Variants in ATP9B observed in about 807,000 individuals in gnomAD.
The protein encoded by ATP9B is ATPase phospholipid transporting 9B.
ATP9B carries 110 observed loss-of-function variants against 146.1 expected under a neutral mutation model. The observed-to-expected ratio is 0.75, with a 90% CI of 0.65 to 0.88. The LOEUF (loss-of-function observed/expected upper bound fraction) is 0.88, where lower values mean the gene tolerates loss of function less well. Ranked by LOEUF, ATP9B falls within the 40% of genes least tolerant of loss-of-function variation. The pLI, the probability that ATP9B is intolerant of heterozygous loss-of-function variation, is 0.00. For synonymous variants in ATP9B, 604 were observed against 569.7 expected, an observed-to-expected ratio of 1.06 and a Z score of -0.86; for missense variants, 1,499 against 1,496.4, an observed-to-expected ratio of 1.00 and a Z score of -0.03.
chr18:79,131,925 A>T (rs2094383954), intron 5 of ATP9B, among the ~76,000 whole-genome samples: 1 of 152,220 alleles, frequency 6.6e-6, no homozygotes, highest in Non-Finnish European at 1.5e-5. Context: ...GTAGAGATAA[A>T]CTGCAGACTG....
chr18:79,160,308 G>T (rs2094858637), intron 7 of ATP9B, among the ~76,000 whole-genome samples: 1 of 152,138 alleles, frequency 6.6e-6, no homozygotes, highest in Admixed American at 6.5e-5. Flanking sequence ...CCAGAGTTCT[G>T]AAACAGTTGC....
chr18:79,221,440 G>T (rs1028022069), intron 11 of ATP9B, among the ~76,000 whole-genome samples: 2 of 152,234 alleles, frequency 1.3e-5, no homozygotes, highest in Admixed American at 6.5e-5. Context: ...AAAACTATCA[G>T]GCTGGGCACA....
At chr18:79,094,467 AGTT>A (rs933096828) in intron 1 of ATP9B, among the ~76,000 whole-genome samples, 1 of 152,086 alleles carries the variant, frequency 6.6e-6, no homozygotes, top group African/African-American at 2.4e-5. Context: ...CTCAGGGAAA[AGTT>A]GTGTGAAAAG....
At chr18:79,123,820 C>CT (rs1277640084) in intron 4 of ATP9B, among the ~76,000 whole-genome samples, 2 of 152,080 alleles carry the variant, frequency 1.3e-5, no homozygotes, top group African/African-American at 4.8e-5. Flanking sequence ...TTTTATAACT[C>CT]AACAACTAAA....
At chr18:79,098,900 A>G (rs1219923206) in intron 2 of ATP9B, among the ~76,000 whole-genome samples, 3 of 152,196 alleles carry the variant, frequency 2.0e-5, no homozygotes, top group African/African-American at 4.8e-5. Context: ...ATCAGTTATT[A>G]TACAGAATGT....
chr18:79,366,423 G>GA (rs967052616), intron 26 of ATP9B, among the ~76,000 whole-genome samples: 1 of 152,230 alleles, frequency 6.6e-6, no homozygotes, highest in Non-Finnish European at 1.5e-5. Context: ...TCACTGTAAG[G>GA]CTGAAGACAA....
chr18:79,187,813 A>G (rs1330979668), intron 8 of ATP9B, among the ~76,000 whole-genome samples: 1 of 152,242 alleles, frequency 6.6e-6, no homozygotes, highest in Non-Finnish European at 1.5e-5. Context: ...TTTGTATGGT[A>G]ATGACTCACA....
At chr18:79,291,905 A>G (rs1159263298) in intron 13 of ATP9B, among the ~76,000 whole-genome samples, 2 of 152,132 alleles carry the variant, frequency 1.3e-5, no homozygotes, top group African/African-American at 4.8e-5. Flanking sequence ...CTCCCCTTCC[A>G]TCGCCCGTGC....
At chr18:79,205,258 G>A (rs2095523006) in intron 9 of ATP9B, among the ~76,000 whole-genome samples, 1 of 87,088 alleles carries the variant, frequency 1.1e-5, no homozygotes, top group South Asian at 2.6e-4. Context: ...TGTTAGGATT[G>A]GTTTAGATTC....
Position 79,354,585 on chromosome 18 carries a change from A to C in ATP9B, c.2904-4769A>C, listed in dbSNP as rs1192765643. ...CCGTGTCTCAAAAAAAAAAAAAAAA[A>C]AAAAAAAAAAACCCAGCCCCACTTC... On this transcript the variant is annotated intron_variant, in intron 25 of 29. Transcript: ENST00000426216. 5.5e-5 allele frequency: 8 copies of C among 144,538 alleles called. No homozygotes were observed. The East Asian group carries it at 1.4e-3, about 26-fold the overall frequency. The allele number at this position is 144,538 out of a possible 1,614,324, so 9.0% of individuals were successfully genotyped here.
intron 19 of ATP9B, among the ~76,000 whole-genome samples, chr18:79,339,105 C>T (rs2096842670): frequency 6.6e-6 from 1 of 151,298 alleles, no homozygotes; most frequent in African/African-American, 2.4e-5. Flanking sequence ...GTCATGATCG[C>T]AGTAGGAAGT....
chr18:79,323,592 G>A (rs1226754182), intron 15 of ATP9B, among the ~76,000 whole-genome samples: 1 of 152,164 alleles, frequency 6.6e-6, no homozygotes, highest in African/African-American at 2.4e-5. Context: ...ATTTCACTTA[G>A]CATAATGTGC....
At chr18:79,326,853 G>A (rs930731673) in intron 15 of ATP9B, among the ~76,000 whole-genome samples, 7 of 152,234 alleles carry the variant, frequency 4.6e-5, no homozygotes, top group African/African-American at 1.7e-4. Context: ...CATCCTCCTG[G>A]TGGCCTCCCT....
chr18:79,377,123 G>A, intron 29 of ATP9B, 124 bp from the exon 30 acceptor site: 1 of 1,147,116 alleles, frequency 8.7e-7, no homozygotes, highest in Non-Finnish European at 1.3e-6. Flanking sequence ...CCCTGTAAAT[G>A]CACAGTGATG....
At chr18:79,083,565 G>A (rs1010173972) in intron 1 of ATP9B, among the ~76,000 whole-genome samples, 4 of 152,146 alleles carry the variant, frequency 2.6e-5, no homozygotes, top group African/African-American at 4.8e-5. Context: ...CCTGGTCTGC[G>A]GATTGCGAAG....
chr18:79,121,730 T>C (rs2094193234), intron 4 of ATP9B, among the ~76,000 whole-genome samples: 1 of 152,238 alleles, frequency 6.6e-6, no homozygotes, highest in Non-Finnish European at 1.5e-5. Context: ...GTGTTACTTA[T>C]TCAGAGAAAC....
At chr18:79,201,591 G>C (rs139555403) in intron 9 of ATP9B, among the ~76,000 whole-genome samples, 59 of 152,124 alleles carry the variant, frequency 3.9e-4, no homozygotes, top group African/African-American at 1.1e-3. Flanking sequence ...TATTTTTTGA[G>C]ATGGAGTCTT....
At chr18:79,216,128 T>G (rs2095625142) in intron 11 of ATP9B, among the ~76,000 whole-genome samples, 1 of 152,260 alleles carries the variant, frequency 6.6e-6, no homozygotes, top group Non-Finnish European at 1.5e-5. Context: ...TGCCTTTTAC[T>G]GTGATTCCTT....
chr18:79,071,147 T>G (rs926466656), intron 1 of ATP9B, among the ~76,000 whole-genome samples: 1 of 150,570 alleles, frequency 6.6e-6, no homozygotes, highest in African/African-American at 2.4e-5. Flanking sequence ...GTTTTTACAG[T>G]GCTTGCTCTG....
Sources: allele counts gnomAD v4.1 joint callset (sites outside exome capture counted in the v4.1 genomes callset), GRCh38; gene constraint gnomAD v4.1.1; transcripts MANE v1.5; gene names NCBI Gene and HGNC (gene_info 2026-07-23, HGNC 2026-07-21).